Variants in ASTN1 observed in about 807,000 individuals in gnomAD.
The protein encoded by ASTN1 is astrotactin 1, also known as astrotactin-1.
Under a neutral mutation model 140.7 loss-of-function variants are expected in ASTN1, and 41 were observed. The observed-to-expected ratio is 0.29, with a 90% CI of 0.23 to 0.38. ASTN1 has a LOEUF of 0.38. Ranked by LOEUF, ASTN1 falls within the 10% of genes least tolerant of loss-of-function variation. ASTN1 has a pLI of 1.00. For missense variants in ASTN1, 1,479 were observed against 1,678.8 expected, an observed-to-expected ratio of 0.88 and a Z score of 2.08; for synonymous variants, 640 against 652.2, an observed-to-expected ratio of 0.98 and a Z score of 0.29.
At chr1:177,024,523 C>G (rs1676001002) in intron 6 of ASTN1, 60 bp downstream of exon 6, 1 of 1,588,550 alleles carries the variant, frequency 6.3e-7, no homozygotes, top group South Asian at 1.1e-5. Flanking sequence ...TAGCCTTTGC[C>G]CAACCAGAAA....
intron 1 of ASTN1, among the ~76,000 whole-genome samples, chr1:177,078,534 C>A (rs1558079409): frequency 6.6e-6 from 1 of 152,038 alleles, no homozygotes; most frequent in Non-Finnish European, 1.5e-5. Flanking sequence ...GGAAGTCTTT[C>A]CCTCAAAAAA....
intron 1 of ASTN1, among the ~76,000 whole-genome samples, chr1:177,125,162 G>A (rs1681581228): frequency 1.3e-5 from 2 of 152,174 alleles, no homozygotes; most frequent in Non-Finnish European, 2.9e-5. Context: ...ATGATTTAAA[G>A]CAGTGAAAGG....
intron 5 of ASTN1, among the ~76,000 whole-genome samples, chr1:177,026,306 T>C (rs538028067): frequency 1.1e-3 from 165 of 152,264 alleles, no homozygotes; most frequent in Non-Finnish European, 1.7e-3. Context: ...CAGATGCAGA[T>C]CCACCTTCTC....
At chr1:176,966,359 T>C (rs568958303) in intron 8 of ASTN1, among the ~76,000 whole-genome samples, 68 of 152,282 alleles carry the variant, frequency 4.5e-4, no homozygotes, top group African/African-American at 1.6e-3. Flanking sequence ...TGAAGGTCAT[T>C]ATTGCCCTTT....
chr1:177,012,121 C>A (rs1225618165), intron 8 of ASTN1, among the ~76,000 whole-genome samples: 4 of 152,132 alleles, frequency 2.6e-5, no homozygotes, highest in Non-Finnish European at 5.9e-5. Flanking sequence ...TCAGACATAC[C>A]ATTGATTTTT....
chr1:177,045,133 A>G (rs1358022993), intron 2 of ASTN1, among the ~76,000 whole-genome samples: 3 of 152,068 alleles, frequency 2.0e-5, no homozygotes, highest in African/African-American at 7.2e-5. Flanking sequence ...CCTGAAACCG[A>G]CTTTGATTAC....
chr1:176,970,863 G>A (rs10798491), intron 8 of ASTN1, among the ~76,000 whole-genome samples: 3 of 151,590 alleles, frequency 2.0e-5, no homozygotes, highest in South Asian at 2.1e-4. Flanking sequence ...AGCTTTTTCC[G>A]GACTTACATA....
In ASTN1 at chr1:176,950,986, C is replaced by T. The variant is rs541669262; in HGVS notation, c.1888-1635G>A. Among the ~76,000 whole-genome samples the T allele has an allele frequency of 1.8e-4, 27 of 152,262 alleles. 1 individual carries two copies. The South Asian group carries it at 5.4e-3, about 30-fold the overall frequency. ...GGTGTGCCTCTGAAAACTCACCTCT[C>T]CTTCCTCCTCTTTCTTAGTTGAAGA... On this transcript the variant is annotated intron_variant, in intron 11 of 22. Coordinates refer to ENST00000361833, the MANE Select transcript of ASTN1 (RefSeq NM_004319.3).
Position 176,864,977 on chromosome 1 carries a change from G to A in ASTN1, c.3648-456C>T, listed in dbSNP as rs969709133. ...TTATGTTGAACTGAAAAGGATATTAGATGTGACCAATTATGCCTGGATGGA... is the reference window on the plus strand; with the variant it reads ...TTATGTTGAACTGAAAAGGATATTAAATGTGACCAATTATGCCTGGATGGA... On this transcript the variant is annotated intron_variant, in intron 22 of 22. Coordinates refer to ENST00000361833, the MANE Select transcript of ASTN1 (RefSeq NM_004319.3). Among the ~76,000 whole-genome samples the A allele has an allele frequency of 3.9e-5, 6 of 152,178 alleles. 1 individual carries two copies. The highest frequency in any genetic ancestry group is 1.4e-4 in the African/African-American group (6 of 41,446).
At chr1:176,889,193 G>A (rs1313538194) in intron 17 of ASTN1, among the ~76,000 whole-genome samples, 5 of 152,336 alleles carry the variant, frequency 3.3e-5, no homozygotes, top group South Asian at 2.1e-4. Context: ...CCCTGGTGGC[G>A]ACGTGGATCC....
intron 1 of ASTN1, among the ~76,000 whole-genome samples, chr1:177,109,642 T>C (rs1241454238): frequency 1.3e-5 from 2 of 152,230 alleles, no homozygotes; most frequent in Non-Finnish European, 2.9e-5. Flanking sequence ...GACTGGAAAT[T>C]GTTAAAAACT....
chr1:176,864,332 C>T lies in ASTN1; in HGVS notation c.3837G>A (p.Gln1279=). ...SRDLRKTCEE[Q]TLSIPYNDYG... is the part of the protein sequence containing the mutation. ...AGTCGTTGTAGGGGATACTCAGGGT[C>T]TGCTCCTCACACGTCTTCCTGAGGT... is the stretch of plus-strand genomic sequence containing the variant. Residue 1279 remains glutamine (Q), a synonymous_variant, in exon 23 of 23, where the codon CAG becomes CAA. Coordinates refer to ENST00000361833, the MANE Select transcript of ASTN1 (RefSeq NM_004319.3). 6.2e-7 allele frequency: 1 copy of T among 1,614,160 alleles called. No individual in the cohort carries two copies. Among genetic ancestry groups the T allele is most frequent in the Non-Finnish European group, 8.5e-7 (1 of 1,180,018 alleles).
chr1:176,942,818 G>GTA (rs1478728177), intron 14 of ASTN1, among the ~76,000 whole-genome samples: 8 of 31,950 alleles, frequency 2.5e-4, no homozygotes, highest in African/African-American at 5.5e-4. Context: ...CTTTGTGTGT[G>GTA]TGTATATATA....
chr1:177,116,320 T>C (rs952829895), intron 1 of ASTN1, among the ~76,000 whole-genome samples: 1 of 152,206 alleles, frequency 6.6e-6, no homozygotes, highest in Non-Finnish European at 1.5e-5. Context: ...TACACTATTA[T>C]ATTAAAATTG....
intron 1 of ASTN1, among the ~76,000 whole-genome samples, chr1:177,105,681 A>G (rs1268757287): frequency 6.6e-6 from 1 of 152,116 alleles, no homozygotes; most frequent in African/African-American, 2.4e-5. Context: ...AGAAAATAGA[A>G]CTTGGTTAAA....
downstream of ASTN1, among the ~76,000 whole-genome samples, chr1:176,860,203 T>C (rs774916801): frequency 2.0e-5 from 3 of 152,200 alleles, no homozygotes; most frequent in Non-Finnish European, 1.5e-5. Context: ...CATTACCATC[T>C]GTTGGCCAAA....
chr1:177,067,032 CTT>C (rs1351430809), intron 1 of ASTN1, among the ~76,000 whole-genome samples: 4 of 152,082 alleles, frequency 2.6e-5, no homozygotes, highest in African/African-American at 7.2e-5. Context: ...TGTTAAAAGA[CTT>C]TGCTTAAATT....
At chr1:176,929,135 T>C (rs1370474243) in intron 16 of ASTN1, among the ~76,000 whole-genome samples, 1 of 152,130 alleles carries the variant, frequency 6.6e-6, no homozygotes, top group Non-Finnish European at 1.5e-5. Context: ...TAGCAGTCAG[T>C]GATGCAGTGG....
At chr1:177,161,428 T>C (rs1647359166) in intron 1 of ASTN1, among the ~76,000 whole-genome samples, 1 of 152,238 alleles carries the variant, frequency 6.6e-6, no homozygotes, top group Non-Finnish European at 1.5e-5. Flanking sequence ...ACCTTTAATT[T>C]TGCACGTTTG....
Sources: gnomAD v4.1 joint callset for allele counts (sites outside exome capture counted in the v4.1 genomes callset) on GRCh38, gnomAD v4.1.1 for gene constraint, MANE v1.5 for transcripts, NCBI Gene and HGNC (gene_info 2026-07-23, HGNC 2026-07-21) for gene names.